The following AUTS2 variants were observed in gnomAD, a reference collection of about 807,000 sequenced individuals.
The protein encoded by AUTS2 is activator of transcription and developmental regulator AUTS2.
In AUTS2, 17 loss-of-function variants were observed where a neutral mutation model predicts 112.4. That is an observed-to-expected ratio of 0.15 (90% CI 0.10 to 0.23). The LOEUF (loss-of-function observed/expected upper bound fraction) is 0.23, where lower values mean the gene tolerates loss of function less well. Among genes scored for constraint, AUTS2 ranks in the 10% least tolerant of loss-of-function variants. AUTS2 has a pLI of 1.00. For missense variants in AUTS2, 1,510 were observed against 1,701.6 expected (o/e 0.89, Z 1.98); for synonymous variants, 751 against 702.7 (o/e 1.07, Z -1.09).
intron 2 of AUTS2, among the ~76,000 whole-genome samples, chr7:70,072,308 C>G (rs749000371): frequency 6.6e-6 from 1 of 152,102 alleles, no homozygotes; most frequent in Non-Finnish European, 1.5e-5. Context: ...GTTATTCTCT[C>G]CTTTTAGGAC....
chr7:69,757,002 T>C (rs1335245484), intron 1 of AUTS2, among the ~76,000 whole-genome samples: 2 of 152,218 alleles, frequency 1.3e-5, no homozygotes, highest in Non-Finnish European at 2.9e-5. Context: ...GCCACAGCAC[T>C]CTGCAGCTTG....
intron 1 of AUTS2, among the ~76,000 whole-genome samples, chr7:69,803,139 A>C (rs1253728226): frequency 6.6e-6 from 1 of 152,204 alleles, no homozygotes; most frequent in African/African-American, 2.4e-5. Context: ...GGCAATAATC[A>C]GTTTGGGGTC....
At chr7:70,669,787 A>G (rs1334452452) in intron 5 of AUTS2, among the ~76,000 whole-genome samples, 1 of 152,208 alleles carries the variant, frequency 6.6e-6, no homozygotes, top group East Asian at 1.9e-4. Flanking sequence ...CTTTGGCACA[A>G]GGGCTCTGAG....
chr7:70,611,664 C>A (rs1180975254), intron 5 of AUTS2, among the ~76,000 whole-genome samples: 5 of 152,188 alleles, frequency 3.3e-5, no homozygotes, highest in African/African-American at 4.8e-5. Context: ...CTTCTTATAG[C>A]AAGTCTTTTT....
chr7:70,051,920 GGGGTTTGT>G (rs1367557947), intron 2 of AUTS2, among the ~76,000 whole-genome samples: 1 of 152,140 alleles, frequency 6.6e-6, no homozygotes, highest in Non-Finnish European at 1.5e-5. Context: ...GTTAGGGTTT[GGGGTTTGT>G]GTGGGTAAGA....
At chr7:70,180,744 A>AT (rs5884775) in intron 4 of AUTS2, among the ~76,000 whole-genome samples, 32,799 of 151,922 alleles carry the variant, frequency 0.22, 3,518 homozygotes, top group Middle Eastern at 0.33. Flanking sequence ...TTTCCATACT[A>AT]TTGTATTTTC....
Position 70,415,913 on chromosome 7 carries a change from C to T in AUTS2, c.661-19839C>T, listed in dbSNP as rs1324636691. 2.5e-4 allele frequency among the ~76,000 whole-genome samples: 38 copies of T among 152,192 alleles called. 1 individual carries two copies. Among genetic ancestry groups the T allele is most frequent in the Admixed American group, 2.5e-3 (38 of 15,272 alleles). On this transcript the variant is annotated intron_variant, in intron 4 of 18. Coordinates refer to ENST00000342771, the MANE Select transcript of AUTS2 (RefSeq NM_015570.4). ...ACAGCGCCGACAGCTGAGTTCTTCC[C>T]TGATATTTGCAGACCTCTCTGAAGC...
In AUTS2 at chr7:69,860,526, A is replaced by G. The variant is rs117491745; in HGVS notation, c.310-38760A>G. On this transcript the variant is annotated intron_variant, in intron 1 of 18. Transcript: ENST00000342771. ...TCCCCCACACCCCTGCACCGGAATC[A>G]CAATTTACCAGGGAACCATGGCACT... is the stretch of plus-strand genomic sequence containing the variant. 5.0e-3 allele frequency among the ~76,000 whole-genome samples: 762 copies of G among 152,148 alleles called. 2 individuals carry two copies. The highest frequency in any genetic ancestry group is 0.017 in the Middle Eastern group (5 of 294).
At chr7:70,325,811 C>A (rs1044087877) in intron 4 of AUTS2, among the ~76,000 whole-genome samples, 1 of 152,158 alleles carries the variant, frequency 6.6e-6, no homozygotes, top group African/African-American at 2.4e-5. Context: ...AGAGGGCAAG[C>A]CTTATCAAGC....
chr7:70,517,828 A>G (rs1799480361), intron 5 of AUTS2, among the ~76,000 whole-genome samples: 1 of 152,106 alleles, frequency 6.6e-6, no homozygotes, highest in African/African-American at 2.4e-5. Flanking sequence ...CATAATTTGT[A>G]TATACCCACA....
chr7:70,375,948 C>A (rs1386851290), intron 4 of AUTS2, among the ~76,000 whole-genome samples: 1 of 151,124 alleles, frequency 6.6e-6, no homozygotes, highest in Non-Finnish European at 1.5e-5. Context: ...AGAACATGTT[C>A]AATCTTGAAA....
In AUTS2 at chr7:70,694,114, G is replaced by C. The variant is rs1808919011; in HGVS notation, c.691-4455G>C. On this transcript the variant is annotated intron_variant, in intron 5 of 18. Coordinates refer to ENST00000342771, the MANE Select transcript of AUTS2 (RefSeq NM_015570.4). This position sits in a 1 kb window ranked among gnomAD's most constrained non-coding sequence, Gnocchi z 4.1. ...TCGGGGAGCGAAGTCCGGAGCAAGG[G>C]GCCCCCGCGTAGCCGCCGCCCCCTC... is the stretch of plus-strand genomic sequence containing the variant. 6.6e-6 allele frequency: 1 copy of C among 151,442 alleles called. No individual in the cohort carries two copies. The highest frequency in any genetic ancestry group is 2.1e-4 in the South Asian group (1 of 4,834). 9.4% of individuals were successfully genotyped at this position (151,442 alleles called of 1,614,324 possible). A position where few individuals can be genotyped will look rare whatever the true frequency, so the allele number is the denominator to read the frequency against.
chr7:69,987,335 T>A (rs1034627178), intron 2 of AUTS2, among the ~76,000 whole-genome samples: 3 of 152,210 alleles, frequency 2.0e-5, no homozygotes, highest in African/African-American at 4.8e-5. Flanking sequence ...AGGGAAATGC[T>A]GTGAAGGTCA....
intron 5 of AUTS2, among the ~76,000 whole-genome samples, chr7:70,487,880 G>A (rs932490518): frequency 5.9e-5 from 9 of 152,174 alleles, no homozygotes; most frequent in South Asian, 2.1e-4. Flanking sequence ...GGAAGCATTC[G>A]GTGTGCATGT....
intron 5 of AUTS2, among the ~76,000 whole-genome samples, chr7:70,511,442 C>T (rs1799181675): frequency 6.6e-6 from 1 of 151,742 alleles, no homozygotes; most frequent in African/African-American, 2.4e-5. Context: ...AAAACAACCT[C>T]CTAAATCTAG....
chr7:69,966,691 C>T (rs1020078981), intron 2 of AUTS2, among the ~76,000 whole-genome samples: 4 of 152,218 alleles, frequency 2.6e-5, no homozygotes, highest in East Asian at 1.9e-4. Context: ...TTACCCTGAG[C>T]GTGGCAGTGC....
At chr7:69,796,373 G>T (rs1463290325) in intron 1 of AUTS2, among the ~76,000 whole-genome samples, 1 of 152,110 alleles carries the variant, frequency 6.6e-6, no homozygotes, top group African/African-American at 2.4e-5. Context: ...ACAAACAAAA[G>T]CTAGTTGTGC....
rs141449230 is a variant in AUTS2 at position 70,491,925 on chromosome 7, G to A, written c.690+56144G>A. 3.3e-3 allele frequency among the ~76,000 whole-genome samples: 500 copies of A among 152,196 alleles called. 2 individuals carry two copies. The highest frequency in any genetic ancestry group is 5.6e-3 in the Non-Finnish European group (378 of 67,994). On this transcript the variant is annotated intron_variant, in intron 5 of 18. Transcript: ENST00000342771. ...CCACCGCACCCGGCCAAATGAGTTA[G>A]TATATTTTAAAAGCACTCAGACCAG...
intron 1 of AUTS2, among the ~76,000 whole-genome samples, chr7:69,878,537 C>G (rs1260249105): frequency 6.6e-6 from 1 of 152,036 alleles, no homozygotes; most frequent in East Asian, 1.9e-4. Flanking sequence ...AGAGAGATGT[C>G]CAGGTACTGC....
Sources: gnomAD v4.1 joint callset for allele counts (sites outside exome capture counted in the v4.1 genomes callset) on GRCh38, gnomAD v4.1.1 for gene constraint, Gnocchi (gnomAD v3.1) non-coding constraint, MANE v1.5 for transcripts, NCBI Gene and HGNC (gene_info 2026-07-23, HGNC 2026-07-21) for gene names.